The following TGFBR3 variants were observed in gnomAD, a reference collection of about 807,000 sequenced individuals.
The protein encoded by TGFBR3 is transforming growth factor beta receptor type 3.
A neutral mutation model predicts 87.9 loss-of-function variants in TGFBR3; 46 were observed. That is an observed-to-expected ratio of 0.52 (90% CI 0.41 to 0.67). The LOEUF is 0.67. Ranked by LOEUF, TGFBR3 falls within the 30% of genes least tolerant of loss-of-function variation. TGFBR3 has a pLI of 0.00. For missense variants in TGFBR3, 866 were observed against 1,041.9 expected (o/e 0.83, Z 2.32); for synonymous variants, 381 against 391.6 (o/e 0.97, Z 0.32).
intron 14 of TGFBR3, among the ~76,000 whole-genome samples, chr1:91,698,948 C>T (rs1455066464): frequency 2.6e-5 from 4 of 151,806 alleles, no homozygotes; most frequent in Non-Finnish European, 5.9e-5. Context: ...TCCACCACTA[C>T]CCTCCCCCCA....
chr1:91,696,886 C>T (rs2007686), intron 15 of TGFBR3, among the ~76,000 whole-genome samples: 31,454 of 152,006 alleles, frequency 0.21, 3,566 homozygotes, highest in Middle Eastern at 0.31. Flanking sequence ...TTTGGGCAGC[C>T]CAGCACTCCA....
chr1:91,774,634 T>C (rs879297353), intron 3 of TGFBR3, among the ~76,000 whole-genome samples: 1 of 152,246 alleles, frequency 6.6e-6, no homozygotes, highest in Non-Finnish European at 1.5e-5. Context: ...ATGGCATTTT[T>C]TGGTTAAACC....
At chr1:91,904,786 G>T (rs1329490193) in intron 1 of TGFBR3, among the ~76,000 whole-genome samples, 1 of 152,014 alleles carries the variant, frequency 6.6e-6, no homozygotes, top group Non-Finnish European at 1.5e-5. Context: ...GGCTGGTCTC[G>T]AACTCCTGAC....
At chr1:91,887,552 C>G (rs1009085391), upstream of TGFBR3, among the ~76,000 whole-genome samples, 10 of 152,218 alleles carry the variant, frequency 6.6e-5, no homozygotes, top group Admixed American at 5.2e-4. Flanking sequence ...AGGCGTTAGC[C>G]GCTGCACCTG....
intron 3 of TGFBR3, among the ~76,000 whole-genome samples, chr1:91,774,266 T>C (rs1203643463): frequency 6.6e-6 from 1 of 151,940 alleles, no homozygotes; most frequent in African/African-American, 2.4e-5. Flanking sequence ...ACCTCCCAAA[T>C]AGCTGGGAGT....
upstream of TGFBR3, among the ~76,000 whole-genome samples, chr1:91,887,236 C>CTTTTTTTTTTTTTTGTTTTTT (rs1679347686): frequency 2.4e-5 from 1 of 41,408 alleles, no homozygotes. Flanking sequence ...GGACCTATGC[C>CTTTTTTTTTTTTTTGTTTTTT]TTTTTTTTTT....
chr1:91,700,358 C>G (rs1671578447), intron 14 of TGFBR3, among the ~76,000 whole-genome samples: 2 of 152,180 alleles, frequency 1.3e-5, no homozygotes, highest in African/African-American at 4.8e-5. Context: ...CCCAAACAAG[C>G]AGCATCTGAA....
At chr1:91,740,054 T>C (rs1673107929) in intron 4 of TGFBR3, among the ~76,000 whole-genome samples, 1 of 152,170 alleles carries the variant, frequency 6.6e-6, no homozygotes, top group Non-Finnish European at 1.5e-5. Flanking sequence ...TTACAATTTA[T>C]TTTATTTTAT....
chr1:91,819,675 C>A (rs538596835), intron 2 of TGFBR3, among the ~76,000 whole-genome samples: 1 of 152,252 alleles, frequency 6.6e-6, no homozygotes, highest in Admixed American at 6.5e-5. Context: ...TCAGCATAGC[C>A]ACTATCCTGA....
At chr1:91,898,594 G>T (rs994863842) in intron 2 of TGFBR3, among the ~76,000 whole-genome samples, 7 of 152,034 alleles carry the variant, frequency 4.6e-5, no homozygotes, top group Admixed American at 6.6e-5. Context: ...CCGCCACCAC[G>T]CCCAGCTAAT....
chr1:91,752,180 C>A (rs187136093), intron 4 of TGFBR3, among the ~76,000 whole-genome samples: 7 of 152,254 alleles, frequency 4.6e-5, no homozygotes, highest in East Asian at 1.9e-4. Context: ...GTACAGGACA[C>A]CCAGTTAAAG....
chr1:91,716,326 G>A lies in TGFBR3; in HGVS notation c.1776C>T (p.Thr592=), dbSNP rs1672170604. 18 of 1,614,028 alleles carry A rather than the reference G, an allele frequency of 1.1e-5. No individual in the cohort carries two copies. The highest frequency in any genetic ancestry group is 1.4e-5 in the Non-Finnish European group (17 of 1,180,034). Residue 592 remains threonine, a synonymous_variant, in exon 12 of 17, where the codon ACC becomes ACT. Transcript: ENST00000212355. ...CAGTGTTGTATAGCTCCATGTTGAA[G>A]GTGATGTTTCCGTGGGGCTGTTCCT... is the stretch of plus-strand genomic sequence containing the variant. ...SFQEQPHGNI[T]FNMELYNTDL...
chr1:91,894,880 C>A (rs546622465), intron 2 of TGFBR3, among the ~76,000 whole-genome samples: 1 of 152,226 alleles, frequency 6.6e-6, no homozygotes, highest in Non-Finnish European at 1.5e-5. Context: ...AAGAGATTCT[C>A]CTGCCTCAGC....
chr1:91,768,212 C>CAAAAAAAA (rs3039442), intron 3 of TGFBR3, among the ~76,000 whole-genome samples: 1 of 127,418 alleles, frequency 7.8e-6, no homozygotes, highest in Non-Finnish European at 1.6e-5. Flanking sequence ...AACTCCATCT[C>CAAAAAAAA]AAAAAAAAAA....
intron 2 of TGFBR3, among the ~76,000 whole-genome samples, chr1:91,832,331 G>A (rs902289633): frequency 6.6e-6 from 1 of 151,122 alleles, no homozygotes; most frequent in Admixed American, 6.6e-5. Context: ...AGAGACAATC[G>A]ATATTCCTTT....
At chr1:91,805,249 T>C (rs1366010629) in intron 2 of TGFBR3, among the ~76,000 whole-genome samples, 1 of 152,222 alleles carries the variant, frequency 6.6e-6, no homozygotes, top group Non-Finnish European at 1.5e-5. Flanking sequence ...GCATCTGGTA[T>C]GTGACGAGTA....
chr1:91,804,015 G>A (rs1675742053), intron 2 of TGFBR3, among the ~76,000 whole-genome samples: 1 of 152,188 alleles, frequency 6.6e-6, no homozygotes, highest in South Asian at 2.1e-4. Flanking sequence ...CCCCAGCACA[G>A]TATCTGGCAC....
intron 3 of TGFBR3, among the ~76,000 whole-genome samples, chr1:91,761,402 G>A (rs933662007): frequency 7.2e-5 from 11 of 152,116 alleles, no homozygotes; most frequent in Non-Finnish European, 1.5e-4. Context: ...GGCAGTGTCT[G>A]GCCAAGATGA....
intron 2 of TGFBR3, among the ~76,000 whole-genome samples, chr1:91,822,989 T>C (rs1676506465): frequency 1.3e-5 from 2 of 152,154 alleles, no homozygotes; most frequent in Admixed American, 1.3e-4. Flanking sequence ...TCACAAGCCT[T>C]ATTGAGCACC....
Sources: gnomAD v4.1 joint callset for allele counts (sites outside exome capture counted in the v4.1 genomes callset) on GRCh38, gnomAD v4.1.1 for gene constraint, MANE v1.5 for transcripts, NCBI Gene and HGNC (gene_info 2026-07-23, HGNC 2026-07-21) for gene names.